The following PI4KB variants were observed in gnomAD, a reference collection of about 807,000 sequenced individuals.
The protein encoded by PI4KB is phosphatidylinositol 4-kinase beta, also known as PtdIns 4-kinase beta.
A neutral mutation model predicts 81.4 loss-of-function variants in PI4KB; 23 were observed. That is an observed-to-expected ratio of 0.28 (90% CI 0.20 to 0.40). The LOEUF (loss-of-function observed/expected upper bound fraction) is 0.40, where lower values mean the gene tolerates loss of function less well. Ranked by LOEUF, PI4KB falls within the 10% of genes least tolerant of loss-of-function variation. The probability of loss-of-function intolerance (pLI) is 1.00; values close to 1 mark genes in which losing one functional copy is unlikely to be tolerated. For missense variants in PI4KB, 651 were observed against 1,036.6 expected, an observed-to-expected ratio of 0.63 and a Z score of 5.11; for synonymous variants, 381 against 406.8, an observed-to-expected ratio of 0.94 and a Z score of 0.76.
intron 8 of PI4KB, 50 bp downstream of exon 8, chr1:151,301,794 A>G (rs746462743): frequency 1.9e-6 from 3 of 1,564,890 alleles, no homozygotes; most frequent in Non-Finnish European, 2.6e-6. Flanking sequence ...GGCCTCCCAG[A>G]GTGCTGGGAT....
intron 11 of PI4KB, chr1:151,293,297 G>A: frequency 7.3e-7 from 1 of 1,378,626 alleles, no homozygotes; most frequent in African/African-American, 1.5e-5. Context: ...AGTAAGGGTG[G>A]AGGGGCCCAG....
intron 1 of PI4KB, chr1:151,326,229 A>G: frequency 6.3e-7 from 1 of 1,585,130 alleles, no homozygotes; most frequent in Non-Finnish European, 8.6e-7. Flanking sequence ...GCTCCGGAGT[A>G]GTCAACCAAG....
chr1:151,305,875 A>G (rs762362013), intron 5 of PI4KB, among the ~76,000 whole-genome samples: 1 of 152,204 alleles, frequency 6.6e-6, no homozygotes, highest in Non-Finnish European at 1.5e-5. Flanking sequence ...TATTTTCATT[A>G]AATTTCCCTC....
In PI4KB at chr1:151,294,417, ACT is replaced by A; in HGVS notation, c.2138_2139del (p.Glu713ValfsTer17). 6.2e-7 allele frequency: 1 copy of A among 1,613,502 alleles called. No homozygotes were observed. The part of the protein sequence containing the change: ...FETSAFKLTT[E>X]FVDVMGGLDG... ...TCTCCTTCTTGACTCACATCCACAA[ACT>A]CTGTGGTCAGCTTAAAGGCTGACGT... On this transcript the variant is annotated frameshift_variant, in exon 10 of 12. Transcript: ENST00000368873. LOFTEE classifies it high-confidence loss of function.
intron 2 of PI4KB, among the ~76,000 whole-genome samples, chr1:151,313,029 C>T (rs920769454): frequency 2.6e-5 from 4 of 151,056 alleles, no homozygotes; most frequent in African/African-American, 9.8e-5. Context: ...AGAAAAAGGG[C>T]GGACGGACAG....
At position 151,307,636 on chromosome 1, in the gene PI4KB, A is replaced by G. The variant is rs1189975077; in HGVS notation, c.1120T>C (p.Phe374Leu). The change falls in exon 4 of 12, where the codon TTT becomes CTT. Residue 374 changes from phenylalanine to leucine, a missense_variant. Phe to Leu is a conservative substitution (Grantham distance 22, BLOSUM62 0). Coordinates refer to ENST00000368873, the MANE Select transcript of PI4KB (RefSeq NM_001369623.2). Reference sequence around the variant, plus strand: ...GGTACACGGACCACGTGGTGGTCAAAGCCAGCAGTGGGCAGCCAGACTCGG... The same window carrying G: ...GGTACACGGACCACGTGGTGGTCAAGGCCAGCAGTGGGCAGCCAGACTCGG... ...PARVWLPTAG[F>L]DHHVVRVPHT... 3 of 1,614,202 alleles carry G rather than the reference A, an allele frequency of 1.9e-6. No homozygotes were observed. Among genetic ancestry groups the G allele is most frequent in the Non-Finnish European group, 2.5e-6 (3 of 1,180,036 alleles).
At chr1:151,305,122 A>T (rs1352548932) in intron 5 of PI4KB, among the ~76,000 whole-genome samples, 2 of 151,496 alleles carry the variant, frequency 1.3e-5, no homozygotes, top group African/African-American at 4.9e-5. Flanking sequence ...GCGCCACCGC[A>T]CCCGGCATAA....
chr1:151,318,949 G>C (rs973847041), intron 1 of PI4KB, among the ~76,000 whole-genome samples: 1 of 152,226 alleles, frequency 6.6e-6, no homozygotes, highest in South Asian at 2.1e-4. Context: ...TCTTTCTCCA[G>C]TGCCGTGGCT....
rs750457908 is a variant in PI4KB at position 151,294,549 on chromosome 1, G to C, written c.2016-8C>G. On this transcript the variant is annotated splice_polypyrimidine_tract_variant and splice_region_variant and intron_variant, in intron 9 of 11. Coordinates refer to ENST00000368873, the MANE Select transcript of PI4KB (RefSeq NM_001369623.2). ...AGGATATTCCCATTGTGTCTGAGGAGGGGGAATAGAGGAGAGGAAGAGGCA... is the reference window on the plus strand; with the variant it reads ...AGGATATTCCCATTGTGTCTGAGGACGGGGAATAGAGGAGAGGAAGAGGCA... The C allele has an allele frequency of 2.5e-6, 4 of 1,613,724 alleles. No individual in the cohort carries two copies. Among genetic ancestry groups the C allele is most frequent in the East Asian group, 4.5e-5 (2 of 44,886 alleles).
At chr1:151,316,787 T>C (rs1648014051) in intron 1 of PI4KB, among the ~76,000 whole-genome samples, 1 of 152,228 alleles carries the variant, frequency 6.6e-6, no homozygotes, top group Non-Finnish European at 1.5e-5. Context: ...TTGTATATGT[T>C]GTATTTATAT....
chr1:151,303,041 C>T (rs1449789762), intron 6 of PI4KB, among the ~76,000 whole-genome samples: 2 of 147,708 alleles, frequency 1.4e-5, no homozygotes, highest in East Asian at 4.0e-4. Context: ...TTCTGTCGCC[C>T]AGGCTGGAGT....
At chr1:151,305,614 G>A (rs1419153149) in intron 5 of PI4KB, among the ~76,000 whole-genome samples, 1 of 152,146 alleles carries the variant, frequency 6.6e-6, no homozygotes, top group Non-Finnish European at 1.5e-5. Flanking sequence ...CAAGTCTGGT[G>A]CTCTTATAAT....
intron 9 of PI4KB, chr1:151,298,543 C>T: frequency 2.0e-6 from 1 of 492,114 alleles, no homozygotes; most frequent in Non-Finnish European, 3.7e-6. Flanking sequence ...CCTCTGTCAT[C>T]ATTTTCCCTT....
rs1694388546 is a variant in PI4KB, at chr1:151,292,617, A to G, written c.*235T>C. ...GTCCTGGAGTCAGTCTGGTGGTAATACTGACACAGACCAGGAGGGGCAGGG... is the reference window on the plus strand; with the variant it reads ...GTCCTGGAGTCAGTCTGGTGGTAATGCTGACACAGACCAGGAGGGGCAGGG... On this transcript the variant is annotated 3_prime_UTR_variant, in exon 12 of 12. Coordinates refer to ENST00000368873, the MANE Select transcript of PI4KB (RefSeq NM_001369623.2). 5 of 551,830 alleles carry G rather than the reference A, an allele frequency of 9.1e-6. No homozygotes were observed. Among genetic ancestry groups the G allele is most frequent in the Non-Finnish European group, 1.6e-5 (5 of 308,004 alleles). The allele number at this position is 551,830 out of a possible 1,614,324, so 34.2% of individuals were successfully genotyped here.
At position 151,298,801 on chromosome 1, in the gene PI4KB, C is replaced by CACCT; in HGVS notation, c.2015+3_2015+6dup. On this transcript the variant is annotated splice_region_variant and intron_variant, in intron 9 of 11. Transcript: ENST00000368873. ...AAATGTTAGGATGAGCAGCAGAAGT[C>CACCT]ACCTACCTGTCCTTGACTTGCAGCA... 6.2e-7 allele frequency: 1 copy of CACCT among 1,608,868 alleles called. No individual in the cohort carries two copies. Among genetic ancestry groups the CACCT allele is most frequent in the Non-Finnish European group, 8.5e-7 (1 of 1,176,208 alleles).
At chr1:151,305,191 C>G (rs1006172571) in intron 5 of PI4KB, among the ~76,000 whole-genome samples, 1 of 152,212 alleles carries the variant, frequency 6.6e-6, no homozygotes, top group African/African-American at 2.4e-5. Context: ...GTCTCGAAAT[C>G]CTGACTTCAA....
At position 151,316,684 on chromosome 1, in the gene PI4KB, GACTACCTCCACTTCTGATT is replaced by G. The variant is rs1182884603; in HGVS notation, c.-28-194_-28-176del. Among the ~76,000 whole-genome samples, 6 of 152,302 alleles carry G rather than the reference GACTACCTCCACTTCTGATT, an allele frequency of 3.9e-5. No homozygotes were observed. In the East Asian group the frequency reaches 1.2e-3, roughly 29 times the overall value. On this transcript the variant is annotated intron_variant, in intron 1 of 11. Transcript: ENST00000368873. The stretch of plus-strand genomic sequence containing the variant: ...AAGACATATCCTAGGAAGCTTTCCT[GACTACCTCCACTTCTGATT>G]ACATTACTCGTCATTCCTCCTGTAG...
chr1:151,296,470 ATTTCT>A (rs1300232998), intron 9 of PI4KB, among the ~76,000 whole-genome samples: 1 of 149,712 alleles, frequency 6.7e-6, no homozygotes, highest in Non-Finnish European at 1.5e-5. Context: ...TAGATGCTAG[ATTTCT>A]TTTTTTTTTT....
At chr1:151,307,892 G>A (rs1695918277) in intron 3 of PI4KB, 91 bp from the exon 4 acceptor site, 19 of 953,864 alleles carry the variant, frequency 2.0e-5, no homozygotes, top group Non-Finnish European at 3.2e-5. Flanking sequence ...ATGCAGGCCG[G>A]GGACCCCACT....
Sources: gnomAD v4.1 joint callset for allele counts (sites outside exome capture counted in the v4.1 genomes callset) on GRCh38, gnomAD v4.1.1 for gene constraint, MANE v1.5 for transcripts, NCBI Gene and HGNC (gene_info 2026-07-23, HGNC 2026-07-21) for gene names.